UBE2E3: variants seen among roughly 807,000 people sequenced by gnomAD.
UBE2E3 encodes ubiquitin conjugating enzyme E2 E3, also known as ubiquitin-conjugating enzyme E2 E3.
UBE2E3 carries 5 observed loss-of-function variants against 23.6 expected under a neutral mutation model. That is an observed-to-expected ratio of 0.21 (90% CI 0.11 to 0.44). The LOEUF is 0.44. UBE2E3 is among the 20% of genes least tolerant of loss of function. The pLI, the probability that UBE2E3 is intolerant of heterozygous loss-of-function variation, is 0.99. For synonymous variants in UBE2E3, 78 were observed against 87.5 expected, an observed-to-expected ratio of 0.89 and a Z score of 0.60; for missense variants, 81 against 249.8, an observed-to-expected ratio of 0.32 and a Z score of 4.55.
intron 3 of UBE2E3, among the ~76,000 whole-genome samples, chr2:181,028,701 C>G (rs537215588): frequency 8.0e-4 from 121 of 151,618 alleles, no homozygotes; most frequent in African/African-American, 2.8e-3. Context: ...TGTGAAATGC[C>G]TTTTTTTTGT....
chr2:181,031,754 C>G (rs1686086695), intron 3 of UBE2E3, among the ~76,000 whole-genome samples: 1 of 152,090 alleles, frequency 6.6e-6, no homozygotes, highest in Non-Finnish European at 1.5e-5. Context: ...TACACTATTT[C>G]TGTATCCTTA....
At chr2:181,017,404 A>G (rs1685528619) in intron 3 of UBE2E3, among the ~76,000 whole-genome samples, 2 of 152,182 alleles carry the variant, frequency 1.3e-5, no homozygotes, top group African/African-American at 4.8e-5. Context: ...TTTTTGAGTT[A>G]GGGGCATGAG....
intron 3 of UBE2E3, among the ~76,000 whole-genome samples, chr2:180,987,591 A>G (rs558864279): frequency 2.0e-5 from 3 of 152,278 alleles, no homozygotes; most frequent in African/African-American, 7.2e-5. Context: ...AGTTAATAGT[A>G]TTAATATATT....
chr2:181,046,265 G>A (rs370101423), intron 3 of UBE2E3, among the ~76,000 whole-genome samples: 2 of 152,122 alleles, frequency 1.3e-5, no homozygotes, highest in South Asian at 2.1e-4. Flanking sequence ...TGAGTCTTTC[G>A]CAGGTCAGGG....
At chr2:180,983,457 A>G (rs1343477866) in intron 2 of UBE2E3, among the ~76,000 whole-genome samples, 1 of 152,170 alleles carries the variant, frequency 6.6e-6, no homozygotes, top group East Asian at 1.9e-4. Flanking sequence ...CTTTCTCTCA[A>G]TGTTTATTAA....
intron 3 of UBE2E3, among the ~76,000 whole-genome samples, chr2:181,010,958 G>T (rs1419457309): frequency 6.6e-6 from 1 of 152,030 alleles, no homozygotes; most frequent in Non-Finnish European, 1.5e-5. Flanking sequence ...AAAACTTCCT[G>T]CTGAAGGCTT....
chr2:181,021,137 G>A (rs1453081964), intron 3 of UBE2E3, among the ~76,000 whole-genome samples: 3 of 152,142 alleles, frequency 2.0e-5, no homozygotes, highest in African/African-American at 7.2e-5. Flanking sequence ...ACCAGTCTTC[G>A]TGGGCTTTCA....
chr2:181,060,166 T>C lies in UBE2E3; in HGVS notation c.379-499T>C, dbSNP rs554416546. The stretch of plus-strand genomic sequence containing the variant: ...GTAGTGTGAATGATTTTACCAACCG[T>C]CTTCTAAATCCTCCAGTATTTTCTA... On this transcript the variant is annotated intron_variant, in intron 4 of 5. Coordinates refer to ENST00000410062, the MANE Select transcript of UBE2E3 (RefSeq NM_006357.4). Among the ~76,000 whole-genome samples, 79 of 151,862 alleles carry C rather than the reference T, an allele frequency of 5.2e-4. 4 individuals are homozygous for C. In the South Asian group the frequency reaches 0.016, roughly 30 times the overall value.
At chr2:181,048,752 C>T (rs541470769) in intron 3 of UBE2E3, among the ~76,000 whole-genome samples, 11 of 152,204 alleles carry the variant, frequency 7.2e-5, no homozygotes, top group African/African-American at 2.4e-4. Flanking sequence ...TCAGGAATAA[C>T]AACTGTTCAC....
chr2:181,031,419 T>C (rs780262342), intron 3 of UBE2E3, among the ~76,000 whole-genome samples: 3 of 152,216 alleles, frequency 2.0e-5, no homozygotes, highest in Non-Finnish European at 2.9e-5. Context: ...GGCTATTTTA[T>C]TATGTAGAGC....
At chr2:181,048,496 T>C (rs904458831) in intron 3 of UBE2E3, among the ~76,000 whole-genome samples, 1 of 152,160 alleles carries the variant, frequency 6.6e-6, no homozygotes, top group African/African-American at 2.4e-5. Context: ...GGTTGGTTGT[T>C]ATAGAGATTA....
intron 3 of UBE2E3, among the ~76,000 whole-genome samples, chr2:180,992,871 G>C (rs1295743225): frequency 6.6e-6 from 1 of 152,128 alleles, no homozygotes; most frequent in Non-Finnish European, 1.5e-5. Flanking sequence ...TCACCATGTT[G>C]ATCAGGCTGG....
intron 3 of UBE2E3, among the ~76,000 whole-genome samples, chr2:181,009,044 A>G (rs936043874): frequency 4.6e-5 from 7 of 152,154 alleles, no homozygotes; most frequent in Non-Finnish European, 1.0e-4. Context: ...TTCTAAAACA[A>G]CATAAACAGA....
At chr2:181,002,510 A>G (rs2105593918) in intron 3 of UBE2E3, among the ~76,000 whole-genome samples, 1 of 152,326 alleles carries the variant, frequency 6.6e-6, no homozygotes, top group East Asian at 1.9e-4. Context: ...ATGATTTACA[A>G]CAGTGCTTTC....
chr2:181,036,009 G>A (rs1686267012), intron 3 of UBE2E3, among the ~76,000 whole-genome samples: 1 of 152,170 alleles, frequency 6.6e-6, no homozygotes, highest in South Asian at 2.1e-4. Context: ...AGTCAATCCT[G>A]ATTTCTTGAG....
At chr2:181,011,632 T>C (rs1685331140) in intron 3 of UBE2E3, among the ~76,000 whole-genome samples, 1 of 152,216 alleles carries the variant, frequency 6.6e-6, no homozygotes, top group South Asian at 2.1e-4. Context: ...AGTGCCATTT[T>C]AACTGTTAGT....
At chr2:181,040,713 A>G (rs551187804) in intron 3 of UBE2E3, among the ~76,000 whole-genome samples, 1 of 152,364 alleles carries the variant, frequency 6.6e-6, no homozygotes, top group East Asian at 1.9e-4. Flanking sequence ...TAGTCTGATG[A>G]CAAAGGAAAT....
intron 3 of UBE2E3, among the ~76,000 whole-genome samples, chr2:181,007,703 A>G (rs1266717107): frequency 6.6e-6 from 1 of 152,120 alleles, no homozygotes; most frequent in Non-Finnish European, 1.5e-5. Context: ...CCAACAGTGA[A>G]TGGAGGCCAG....
intron 3 of UBE2E3, among the ~76,000 whole-genome samples, chr2:180,997,137 T>A (rs1436775616): frequency 6.6e-6 from 1 of 151,820 alleles, no homozygotes; most frequent in Non-Finnish European, 1.5e-5. Flanking sequence ...TTCTAATCTC[T>A]CTTCAATTAT....
Sources: gnomAD v4.1 joint callset for allele counts (sites outside exome capture counted in the v4.1 genomes callset) on GRCh38, gnomAD v4.1.1 for gene constraint, MANE v1.5 for transcripts, NCBI Gene and HGNC (gene_info 2026-07-23, HGNC 2026-07-21) for gene names.